The following EFCAB13 variants were observed in gnomAD, a reference collection of about 807,000 sequenced individuals.
EFCAB13 encodes EF-hand calcium binding domain 13.
Under a neutral mutation model 110.2 loss-of-function variants are expected in EFCAB13, and 91 were observed. The observed-to-expected ratio is 0.83, with a 90% CI of 0.70 to 0.98. The LOEUF is 0.98. EFCAB13 is among the 50% of genes least tolerant of loss of function. The pLI is 0.00. For missense variants in EFCAB13, 968 were observed against 1,119.4 expected (o/e 0.86, Z 1.93); for synonymous variants, 323 against 369.9 (o/e 0.87, Z 1.45).
chr17:47,336,592 A>ATTTTTTTTTT (rs66495523), intron 5 of EFCAB13, among the ~76,000 whole-genome samples: 5 of 119,526 alleles, frequency 4.2e-5, no homozygotes, highest in Admixed American at 8.6e-5. Context: ...CACCTGGCCA[A>ATTTTTTTTTT]TTTTTTTTTT....
chr17:47,359,620 A>G (rs1302937300), intron 9 of EFCAB13, among the ~76,000 whole-genome samples: 1 of 137,750 alleles, frequency 7.3e-6, no homozygotes, highest in Non-Finnish European at 1.6e-5. Context: ...TTTTTTTTTC[A>G]ATTTTTTTTT....
intron 10 of EFCAB13, among the ~76,000 whole-genome samples, chr17:47,367,468 G>C (rs1182195599): frequency 1.3e-5 from 2 of 152,230 alleles, no homozygotes; most frequent in African/African-American, 4.8e-5. Context: ...CCAGGATGAG[G>C]GTATATATTT....
chr17:47,430,250 T>C, intron 24 of EFCAB13: 1 of 1,029,172 alleles, frequency 9.7e-7, no homozygotes, highest in Non-Finnish European at 1.2e-6. Context: ...CAGAATGCCA[T>C]CCATAGAGTA....
intron 10 of EFCAB13, among the ~76,000 whole-genome samples, chr17:47,367,450 G>A (rs530363805): frequency 2.2e-4 from 34 of 152,340 alleles, no homozygotes; most frequent in African/African-American, 5.5e-4. Context: ...CCACCCCGCC[G>A]CCATGGCCCA....
chr17:47,391,376 T>G, intron 14 of EFCAB13, 61 bp from the exon 15 acceptor site: 1 of 1,281,998 alleles, frequency 7.8e-7, no homozygotes, highest in Non-Finnish European at 1.0e-6. Context: ...ATTCATCTTG[T>G]TAGTGGTGTT....
intron 7 of EFCAB13, 43 bp from the exon 8 acceptor site, chr17:47,344,973 A>G (rs761933250): frequency 1.2e-5 from 18 of 1,444,282 alleles, no homozygotes; most frequent in Admixed American, 8.9e-5. Context: ...TGGAATTTGC[A>G]TATTTTCATT....
At chr17:47,418,401 A>G (rs72829633) in intron 23 of EFCAB13, among the ~76,000 whole-genome samples, 7,606 of 152,282 alleles carry the variant, frequency 0.05, 252 homozygotes, top group East Asian at 0.11. Flanking sequence ...TTCTGGATAC[A>G]TGTATATTCA....
intron 5 of EFCAB13, among the ~76,000 whole-genome samples, chr17:47,341,211 A>G (rs1375577417): frequency 6.6e-6 from 1 of 152,216 alleles, no homozygotes; most frequent in Admixed American, 6.5e-5. Flanking sequence ...GAAGTTAAAA[A>G]GACATTTCAG....
chr17:47,345,667 A>T (rs1356692493), intron 8 of EFCAB13, among the ~76,000 whole-genome samples: 1 of 152,210 alleles, frequency 6.6e-6, no homozygotes, highest in African/African-American at 2.4e-5. Flanking sequence ...GATGGCCACA[A>T]ATTACACATT....
Position 47,431,283 on chromosome 17 carries a change from CTTTGTTTTTTT to C in EFCAB13, c.2638+1325_2638+1335del. Among the ~76,000 whole-genome samples, 2 of 151,478 alleles carry C rather than the reference CTTTGTTTTTTT, an allele frequency of 1.3e-5. No homozygotes were observed. On this transcript the variant is annotated intron_variant, in intron 24 of 24. Transcript: ENST00000331493. The surrounding 1 kb of genome is among the most constrained non-coding windows in gnomAD (Gnocchi z 4.1). ...GCCTATATCCTAACATCTATTTTTT[CTTTGTTTTTTT>C]TTAACTCTTTTTTTTCCTTTTTTCA...
chr17:47,424,328 G>A (rs552463570), intron 23 of EFCAB13, among the ~76,000 whole-genome samples: 21 of 152,222 alleles, frequency 1.4e-4, no homozygotes, highest in Non-Finnish European at 2.4e-4. Flanking sequence ...GCGGATGTGC[G>A]AGCGGGGAGA....
At chr17:47,361,691 GA>G (rs2065514420) in intron 10 of EFCAB13, among the ~76,000 whole-genome samples, 170 bp downstream of exon 10, 1 of 152,036 alleles carries the variant, frequency 6.6e-6, no homozygotes, top group South Asian at 2.1e-4. Context: ...AAATAGTCTA[GA>G]AAAATTAAAT....
intron 23 of EFCAB13, among the ~76,000 whole-genome samples, chr17:47,420,264 G>T (rs1904603393): frequency 1.3e-5 from 2 of 152,192 alleles, no homozygotes; most frequent in Non-Finnish European, 2.9e-5. Context: ...TGGTGCCCAG[G>T]CTGGAGTGCA....
intron 9 of EFCAB13, among the ~76,000 whole-genome samples, chr17:47,356,524 G>T (rs2065481558): frequency 6.6e-6 from 1 of 152,218 alleles, no homozygotes; most frequent in Non-Finnish European, 1.5e-5. Flanking sequence ...GAGCTACCAG[G>T]CTCCAGGCTG....
intron 17 of EFCAB13, among the ~76,000 whole-genome samples, chr17:47,397,808 C>T (rs1228414238): frequency 2.6e-5 from 4 of 151,574 alleles, no homozygotes; most frequent in Admixed American, 6.6e-5. Context: ...GGAGCCCCTC[C>T]GCCCGGCAGC....
At chr17:47,329,615 C>T (rs181787290) in intron 4 of EFCAB13, among the ~76,000 whole-genome samples, 88 of 151,910 alleles carry the variant, frequency 5.8e-4, no homozygotes, top group African/African-American at 2.0e-3. Context: ...AGTATCATAC[C>T]GGTTTGTTTT....
intron 23 of EFCAB13, among the ~76,000 whole-genome samples, chr17:47,420,836 C>T (rs1904663449): frequency 6.6e-6 from 1 of 151,928 alleles, no homozygotes; most frequent in African/African-American, 2.4e-5. Flanking sequence ...CCCCACCAGG[C>T]CAGCCACCCC....
intron 4 of EFCAB13, among the ~76,000 whole-genome samples, chr17:47,333,906 G>A (rs542893204): frequency 6.6e-6 from 1 of 152,206 alleles, no homozygotes; most frequent in Non-Finnish European, 1.5e-5. Context: ...GCTTAAGATT[G>A]CTTTGGCTAT....
intron 23 of EFCAB13, chr17:47,423,552 T>C (rs1308686080): frequency 3.3e-6 from 1 of 303,492 alleles, no homozygotes; most frequent in African/African-American, 2.2e-5. Flanking sequence ...CCAGGCACGG[T>C]GCCGGCTGCC....
Sources: gnomAD v4.1 joint callset for allele counts (sites outside exome capture counted in the v4.1 genomes callset) on GRCh38, gnomAD v4.1.1 for gene constraint, Gnocchi (gnomAD v3.1) non-coding constraint, MANE v1.5 for transcripts, NCBI Gene and HGNC (gene_info 2026-07-23, HGNC 2026-07-21) for gene names.